PSMF1: variants seen among roughly 807,000 people sequenced by gnomAD.
PSMF1 encodes proteasome inhibitor PI31 subunit.
A neutral mutation model predicts 29.3 loss-of-function variants in PSMF1; 30 were observed. The ratio of observed to expected loss-of-function variants is 1.02; its 90% CI spans 0.77 to 1.39. PSMF1 has a LOEUF of 1.39. Among genes scored for constraint, PSMF1 ranks in the 40% most tolerant of loss-of-function variants. PSMF1 has a pLI of 0.00. For missense variants in PSMF1, 344 were observed against 357.5 expected, an observed-to-expected ratio of 0.96 and a Z score of 0.31; for synonymous variants, 134 against 139.7, an observed-to-expected ratio of 0.96 and a Z score of 0.29.
intron 4 of PSMF1, among the ~76,000 whole-genome samples, chr20:1,157,370 A>G (rs1412582099): frequency 1.3e-5 from 2 of 152,178 alleles, no homozygotes; most frequent in African/African-American, 4.8e-5. Flanking sequence ...ACTGATACAC[A>G]TCTCCTGAGA....
At chr20:1,134,841 C>T (rs1424958959) in intron 3 of PSMF1, 1 of 494,036 alleles carries the variant, frequency 2.0e-6, no homozygotes, top group Non-Finnish European at 3.7e-6. Context: ...CCAATCCAGG[C>T]CCTGTGCCCC....
At position 1,164,134 on chromosome 20, in the gene PSMF1, G is replaced by A. The variant is rs968158861; in HGVS notation, c.606-184G>A. Among the ~76,000 whole-genome samples the A allele has an allele frequency of 5.3e-5, 8 of 152,130 alleles. No individual in the cohort carries two copies. Among genetic ancestry groups the A allele is most frequent in the African/African-American group, 9.7e-5 (4 of 41,414 alleles). On this transcript the variant is annotated intron_variant, in intron 5 of 6. Coordinates refer to ENST00000335877, the MANE Select transcript of PSMF1 (RefSeq NM_006814.5). The surrounding 1 kb of genome is among the most constrained non-coding windows in gnomAD (Gnocchi z 4.1). The stretch of plus-strand genomic sequence containing the variant: ...TACTCAGCTGTGAGGTATGCTCTTC[G>A]TATAGGCTTTGTGTTCTTGCCCTTG...
chr20:1,158,191 G>A (rs1276480928), intron 4 of PSMF1, among the ~76,000 whole-genome samples: 4 of 151,186 alleles, frequency 2.6e-5, no homozygotes, highest in African/African-American at 9.7e-5. Context: ...TTTGCTAGTG[G>A]ATGTCAATCT....
intron 3 of PSMF1, among the ~76,000 whole-genome samples, chr20:1,127,813 T>C (rs1049829383): frequency 4.6e-5 from 7 of 152,166 alleles, no homozygotes; most frequent in African/African-American, 1.7e-4. Flanking sequence ...GATGTGTGCC[T>C]CATTGGGTCC....
intron 3 of PSMF1, chr20:1,134,788 T>C: frequency 2.6e-6 from 1 of 389,504 alleles, no homozygotes; most frequent in Non-Finnish European, 5.0e-6. Context: ...GAACACACAA[T>C]GAAGCTGAGG....
At chr20:1,125,750 G>A in intron 2 of PSMF1, 100 bp downstream of exon 2, 1 of 1,448,502 alleles carries the variant, frequency 6.9e-7, no homozygotes, top group Non-Finnish European at 9.3e-7. Flanking sequence ...CAATGTTCAT[G>A]TAGCCCTTAC....
rs1311800612 is a variant in PSMF1 at position 1,133,555 on chromosome 20, G to GTATA, written c.366-1554_366-1551dup. Among the ~76,000 whole-genome samples the GTATA allele has an allele frequency of 5.7e-4, 31 of 53,972 alleles. 2 individuals carry two copies. The highest frequency in any genetic ancestry group is 1.8e-3 in the African/African-American group (29 of 15,714). 35.4% of individuals were successfully genotyped at this position (53,972 alleles called of 152,430 possible). On this transcript the variant is annotated intron_variant, in intron 3 of 6. Transcript: ENST00000335877. ...ATAGGATATACTAGTCTATATATGT[G>GTATA]TATATATATATATATTTTTTTTTTT...
In PSMF1 at chr20:1,170,177, A is replaced by G. The variant is rs1160504938; in HGVS notation, c.*5097A>G. ...AGCATCACCTGGGAACCTGTTACAC[A>G]TGCAGAATCTCAAGCCCCACCCCAG... On this transcript the variant is annotated 3_prime_UTR_variant, in exon 7 of 7. Transcript: ENST00000335877. Among the ~76,000 whole-genome samples the G allele has an allele frequency of 6.6e-6, 1 of 152,236 alleles. No individual in the cohort carries two copies. Among genetic ancestry groups the G allele is most frequent in the Non-Finnish European group, 1.5e-5 (1 of 68,044 alleles).
chr20:1,127,198 A>G (rs1422616504), intron 2 of PSMF1: 2 of 692,052 alleles, frequency 2.9e-6, no homozygotes, highest in Non-Finnish European at 5.2e-6. Flanking sequence ...CTTTTGCAAA[A>G]GAGCCTGGGA....
At chr20:1,118,504 G>GC (rs374652177), upstream of PSMF1, 63 of 325,958 alleles carry the variant, frequency 1.9e-4, no homozygotes, top group East Asian at 3.1e-3. Flanking sequence ...GAGGGGCCAC[G>GC]CCCCGCTCGC....
intron 3 of PSMF1, among the ~76,000 whole-genome samples, chr20:1,129,687 C>G (rs1366360486): frequency 1.3e-5 from 2 of 152,222 alleles, no homozygotes; most frequent in Non-Finnish European, 2.9e-5. Flanking sequence ...AGAAAATAAA[C>G]AAGCGTTGTC....
At chr20:1,127,395 A>G (rs762879459) in intron 2 of PSMF1, 31 bp from the exon 3 acceptor site, 16 of 1,515,034 alleles carry the variant, frequency 1.1e-5, no homozygotes, top group Non-Finnish European at 1.4e-5. Context: ...GAAATATCCC[A>G]GTCTCTCACT....
Position 1,168,062 on chromosome 20 carries a change from C to G in PSMF1, c.*2982C>G, listed in dbSNP as rs2086752582. The G allele has an allele frequency of 6.6e-6, 1 of 152,246 alleles. No individual in the cohort carries two copies. Among genetic ancestry groups the G allele is most frequent in the Non-Finnish European group, 1.5e-5 (1 of 68,050 alleles). 9.4% of individuals were successfully genotyped at this position (152,246 alleles called of 1,614,324 possible). ...TGAAGTAGCATCTCATTGTGGTCTTCTCTTCCATTTTTTAAAAAAGAATTT... is the reference window on the plus strand; with the variant it reads ...TGAAGTAGCATCTCATTGTGGTCTTGTCTTCCATTTTTTAAAAAAGAATTT... On this transcript the variant is annotated 3_prime_UTR_variant, in exon 7 of 7. Coordinates refer to ENST00000335877, the MANE Select transcript of PSMF1 (RefSeq NM_006814.5).
rs1372826938 is a variant in PSMF1, at chr20:1,169,084, T to C, written c.*4004T>C. Reference sequence around the variant, plus strand: ...TGTAGCAATGATGATGTGATCCTGCTGCTCTCTGGACCGTAACCTTTTTGG... The same window carrying C: ...TGTAGCAATGATGATGTGATCCTGCCGCTCTCTGGACCGTAACCTTTTTGG... On this transcript the variant is annotated 3_prime_UTR_variant, in exon 7 of 7. Transcript: ENST00000335877. Among the ~76,000 whole-genome samples the C allele has an allele frequency of 6.6e-6, 1 of 152,220 alleles. No individual in the cohort carries two copies. Among genetic ancestry groups the C allele is most frequent in the Non-Finnish European group, 1.5e-5 (1 of 68,038 alleles).
Position 1,166,109 on chromosome 20 carries a change from CAG to C in PSMF1, c.*1032_*1033del, listed in dbSNP as rs1018126569. The C allele has an allele frequency of 4.5e-5, 70 of 1,549,062 alleles. No homozygotes were observed. In the African/African-American group the frequency reaches 6.1e-4, roughly 14 times the overall value. ...GTTTTTGGACCCCATGGGGCCCAGA[CAG>C]AGCACAGGAGCATGGGCTGCCTCTG... is the stretch of plus-strand genomic sequence containing the variant. On this transcript the variant is annotated 3_prime_UTR_variant, in exon 7 of 7. Coordinates refer to ENST00000335877, the MANE Select transcript of PSMF1 (RefSeq NM_006814.5).
intron 4 of PSMF1, among the ~76,000 whole-genome samples, chr20:1,140,263 C>G (rs1296643562): frequency 1.3e-5 from 2 of 152,102 alleles, no homozygotes; most frequent in East Asian, 3.8e-4. Context: ...ACATATAGAG[C>G]AAGGAAATAG....
chr20:1,128,841 A>T (rs1342609916), intron 3 of PSMF1, among the ~76,000 whole-genome samples: 1 of 152,074 alleles, frequency 6.6e-6, no homozygotes, highest in Non-Finnish European at 1.5e-5. Flanking sequence ...CTGGGATTAC[A>T]GGTGTGCACC....
intron 4 of PSMF1, among the ~76,000 whole-genome samples, chr20:1,150,873 A>G (rs2122568006): frequency 6.6e-6 from 1 of 152,084 alleles, no homozygotes; most frequent in South Asian, 2.1e-4. Context: ...ATCCTCATAT[A>G]TTTTCTCCTA....
In PSMF1 at chr20:1,160,655, C is replaced by T. The variant is rs538431509; in HGVS notation, c.552-2475C>T. The T allele has an allele frequency of 3.1e-4, 158 of 508,134 alleles. 1 individual carries two copies. The highest frequency in any genetic ancestry group is 2.2e-3 in the South Asian group (149 of 66,858). 31.5% of individuals were successfully genotyped at this position (508,134 alleles called of 1,614,324 possible). ...TGTGCAAAGCTGGTTTTGCTGGGGA[C>T]GACGCCCCTGGAACCATGTTTCCCT... On this transcript the variant is annotated intron_variant, in intron 4 of 6. Transcript: ENST00000335877.
Sources: gnomAD v4.1 joint callset for allele counts (sites outside exome capture counted in the v4.1 genomes callset) on GRCh38, gnomAD v4.1.1 for gene constraint, Gnocchi (gnomAD v3.1) non-coding constraint, MANE v1.5 for transcripts, NCBI Gene and HGNC (gene_info 2026-07-23, HGNC 2026-07-21) for gene names.